LRP1B: variants seen among roughly 807,000 people sequenced by gnomAD.
LRP1B encodes low-density lipoprotein receptor-related protein 1B.
In LRP1B, 217 loss-of-function variants were observed where a neutral mutation model predicts 556.6. The ratio of observed to expected loss-of-function variants is 0.39; its 90% CI spans 0.35 to 0.44. The LOEUF (loss-of-function observed/expected upper bound fraction) is 0.44, where lower values mean the gene tolerates loss of function less well. Ranked by LOEUF, LRP1B falls within the 20% of genes least tolerant of loss-of-function variation. The pLI, the probability that LRP1B is intolerant of heterozygous loss-of-function variation, is 1.00. For synonymous variants in LRP1B, 2,047 were observed against 1,865.8 expected, an observed-to-expected ratio of 1.10 and a Z score of -2.50; for missense variants, 5,053 against 5,620.8, an observed-to-expected ratio of 0.90 and a Z score of 3.23.
intron 37 of LRP1B, among the ~76,000 whole-genome samples, chr2:140,711,165 A>C (rs1014112228): frequency 6.6e-6 from 1 of 152,040 alleles, no homozygotes; most frequent in Non-Finnish European, 1.5e-5. Flanking sequence ...ATTAATTCAC[A>C]TATTCTCTTT....
intron 3 of LRP1B, among the ~76,000 whole-genome samples, chr2:141,456,479 C>A (rs1234414391): frequency 6.6e-6 from 1 of 152,082 alleles, no homozygotes; most frequent in Non-Finnish European, 1.5e-5. Flanking sequence ...ACTGTTTTCT[C>A]CTCAACTATG....
At chr2:141,337,191 T>G (rs890897512) in intron 3 of LRP1B, among the ~76,000 whole-genome samples, 1 of 152,220 alleles carries the variant, frequency 6.6e-6, no homozygotes, top group Non-Finnish European at 1.5e-5. Flanking sequence ...TCTGCATCTT[T>G]TCCACCATTT....
chr2:141,127,448 A>G (rs977103198), intron 7 of LRP1B, among the ~76,000 whole-genome samples: 5 of 152,306 alleles, frequency 3.3e-5, no homozygotes, highest in East Asian at 1.9e-4. Flanking sequence ...ACGTATGTTT[A>G]TTGCAGCACT....
intron 2 of LRP1B, among the ~76,000 whole-genome samples, chr2:141,772,616 A>C (rs189619913): frequency 2.1e-4 from 32 of 152,342 alleles, no homozygotes; most frequent in African/African-American, 7.7e-4. Context: ...TCACTGCTTC[A>C]GAGGGATTTT....
intron 3 of LRP1B, among the ~76,000 whole-genome samples, chr2:141,329,408 G>A (rs1007626555): frequency 6.7e-6 from 1 of 148,448 alleles, no homozygotes; most frequent in Admixed American, 6.7e-5. Context: ...AAAAAGGGAG[G>A]CCGAGGCTGG....
chr2:142,081,917 G>C (rs1336740199), intron 1 of LRP1B, among the ~76,000 whole-genome samples: 1 of 152,106 alleles, frequency 6.6e-6, no homozygotes, highest in African/African-American at 2.4e-5. Flanking sequence ...GTAAAAAGTG[G>C]GACCTGGAAA....
chr2:140,659,342 C>A (rs140965322), intron 41 of LRP1B, among the ~76,000 whole-genome samples: 1 of 151,632 alleles, frequency 6.6e-6, no homozygotes, highest in African/African-American at 2.4e-5. Flanking sequence ...TGTACATAAG[C>A]GTTGTAACTT....
At chr2:141,869,181 T>G (rs1438612953) in intron 1 of LRP1B, among the ~76,000 whole-genome samples, 4 of 152,094 alleles carry the variant, frequency 2.6e-5, no homozygotes, top group Non-Finnish European at 4.4e-5. Context: ...GAAAATGTTC[T>G]TTATCTGTAG....
At chr2:140,671,226 AAT>A (rs148202985) in intron 41 of LRP1B, among the ~76,000 whole-genome samples, 2,062 of 152,302 alleles carry the variant, frequency 0.014, 39 homozygotes, top group Admixed American at 0.045. Context: ...TTTAGAAAAA[AAT>A]ATGTTTTCTT....
Position 140,426,076 on chromosome 2 carries a change from C to T in LRP1B, c.10414+16428G>A, listed in dbSNP as rs1685638683. On this transcript the variant is annotated intron_variant, in intron 66 of 90. Coordinates refer to ENST00000389484, the MANE Select transcript of LRP1B (RefSeq NM_018557.3). ...CAGATAATACAAACTGAGCCCAATG[C>T]TGTGGGATACACTGACAGTATCCTG... 4.6e-5 allele frequency among the ~76,000 whole-genome samples: 7 copies of T among 152,270 alleles called. No homozygotes were observed. The South Asian group carries it at 1.4e-3, about 32-fold the overall frequency.
chr2:141,168,425 A>C (rs998120651), intron 7 of LRP1B, among the ~76,000 whole-genome samples: 1 of 152,064 alleles, frequency 6.6e-6, no homozygotes, highest in Non-Finnish European at 1.5e-5. Context: ...TAAACTATTA[A>C]ATAATCACAC....
chr2:140,614,475 A>G (rs1190931389), intron 41 of LRP1B, among the ~76,000 whole-genome samples: 1 of 152,156 alleles, frequency 6.6e-6, no homozygotes, highest in African/African-American at 2.4e-5. Flanking sequence ...AGAGTTGAAG[A>G]TATTTCCTAA....
intron 7 of LRP1B, among the ~76,000 whole-genome samples, chr2:141,074,375 T>C (rs796950325): frequency 4.6e-5 from 7 of 152,164 alleles, no homozygotes; most frequent in African/African-American, 1.7e-4. Flanking sequence ...CATAATTTCA[T>C]GGCATTCTGT....
intron 1 of LRP1B, among the ~76,000 whole-genome samples, chr2:141,923,728 G>C (rs889901780): frequency 1.1e-4 from 17 of 151,390 alleles, no homozygotes; most frequent in African/African-American, 4.1e-4. Flanking sequence ...CAGAACTCCA[G>C]AATTAACTCA....
intron 41 of LRP1B, among the ~76,000 whole-genome samples, chr2:140,699,264 G>T (rs113769439): frequency 6.6e-6 from 1 of 152,006 alleles, no homozygotes; most frequent in Non-Finnish European, 1.5e-5. Context: ...GAAGCCTCAT[G>T]TAATAAAATA....
At chr2:141,110,713 T>C (rs893811383) in intron 7 of LRP1B, among the ~76,000 whole-genome samples, 16 of 152,046 alleles carry the variant, frequency 1.1e-4, no homozygotes, top group Admixed American at 3.3e-4. Context: ...AGAGAGGGAA[T>C]GTACGATAGT....
At chr2:141,392,362 T>C (rs1051539230) in intron 3 of LRP1B, among the ~76,000 whole-genome samples, 1 of 148,258 alleles carries the variant, frequency 6.7e-6, no homozygotes, top group Non-Finnish European at 1.5e-5. Context: ...TTGGAACCCA[T>C]GGAACAGGTG....
rs34488772 is a variant in LRP1B, at chr2:140,485,349, T to C, written c.9419A>G (p.Gln3140Arg). The change falls in exon 59 of 91, where the codon CAA becomes CGA. Residue 3140 changes from glutamine to arginine, a missense_variant. Gln to Arg is a conservative substitution (Grantham distance 43, BLOSUM62 1). Around this residue, in one of 5 missense-constraint regions of LRP1B, gnomAD observed 3,619 missense variants for 3,931.9 expected, o/e 0.92. Transcript: ENST00000389484. The part of the protein sequence containing the change: ...KFPRDLSLDP[Q>R]AGYLYWIDCC... ...TTTAACAGTTTTTACAAACCCAGCT[T>C]GAGGATCTAAAGACAAGTCTCTGGG... is the stretch of plus-strand genomic sequence containing the variant. The C allele has an allele frequency of 0.045, 72,827 of 1,607,282 alleles. 1,919 individuals are homozygous for C. The highest frequency in any genetic ancestry group is 0.081 in the African/African-American group (6,035 of 74,622).
intron 35 of LRP1B, among the ~76,000 whole-genome samples, chr2:140,724,321 TA>T (rs1381197812): frequency 6.6e-6 from 1 of 152,106 alleles, no homozygotes; most frequent in African/African-American, 2.4e-5. Flanking sequence ...TTCATCTCTA[TA>T]AAAAAATAAA....
Sources: allele counts gnomAD v4.1 joint callset (sites outside exome capture counted in the v4.1 genomes callset), GRCh38; gene constraint gnomAD v4.1.1; regional missense constraint gnomAD v4.1.1; transcripts MANE v1.5; gene names NCBI Gene and HGNC (gene_info 2026-07-23, HGNC 2026-07-21).